Variants in ZNF506 observed in about 807,000 individuals in gnomAD.
ZNF506 encodes the protein zinc finger protein 506.
In ZNF506, 10 loss-of-function variants were observed where a neutral mutation model predicts 11.6. The observed-to-expected ratio is 0.86, with a 90% CI of 0.53 to 1.46. The LOEUF is 1.46. ZNF506 is among the 40% of genes most tolerant of loss of function. The pLI, the probability that ZNF506 is intolerant of heterozygous loss-of-function variation, is 0.00. For synonymous variants in ZNF506, 156 were observed against 173.3 expected (o/e 0.90, Z 0.78); for missense variants, 425 against 521.2 (o/e 0.82, Z 1.80).
intron 3 of ZNF506, among the ~76,000 whole-genome samples, chr19:19,801,860 T>C (rs1224312477): frequency 6.6e-6 from 1 of 151,300 alleles, no homozygotes; most frequent in Non-Finnish European, 1.5e-5. Flanking sequence ...ATAAGAGAAA[T>C]GTTTACTCAT....
chr19:19,813,806 C>T (rs1433457685), intron 1 of ZNF506, among the ~76,000 whole-genome samples: 1 of 151,680 alleles, frequency 6.6e-6, no homozygotes, highest in African/African-American at 2.4e-5. Context: ...CTTGTCTCCA[C>T]AGAAAATACA....
intron 1 of ZNF506, among the ~76,000 whole-genome samples, chr19:19,816,593 C>T (rs1025617420): frequency 3.9e-5 from 6 of 152,014 alleles, no homozygotes; most frequent in African/African-American, 1.2e-4. Context: ...CTCCTGACCT[C>T]GTGATTCACC....
intron 1 of ZNF506, among the ~76,000 whole-genome samples, chr19:19,809,062 A>C (rs1454085888): frequency 6.6e-6 from 1 of 152,132 alleles, no homozygotes; most frequent in African/African-American, 2.4e-5. Flanking sequence ...GAGCTAATAG[A>C]ACACACAGAT....
intron 1 of ZNF506, among the ~76,000 whole-genome samples, chr19:19,815,602 G>A (rs946714368): frequency 2.0e-5 from 3 of 152,152 alleles, no homozygotes; most frequent in Non-Finnish European, 4.4e-5. Flanking sequence ...CACCATATCT[G>A]TAGAGTCTGC....
At chr19:19,802,675 T>A (rs1447141948) in intron 3 of ZNF506, among the ~76,000 whole-genome samples, 1 of 152,222 alleles carries the variant, frequency 6.6e-6, no homozygotes, top group Non-Finnish European at 1.5e-5. Flanking sequence ...CTACTAATTA[T>A]CCAATTTACT....
intron 1 of ZNF506, among the ~76,000 whole-genome samples, chr19:19,812,213 G>T (rs1445810747): frequency 6.6e-6 from 1 of 152,208 alleles, no homozygotes; most frequent in African/African-American, 2.4e-5. Context: ...ATTAACTCCT[G>T]TCAGCCTGAC....
chr19:19,793,946 A>C lies in ZNF506; in HGVS notation c.*606T>G, dbSNP rs1270925894. The C allele has an allele frequency of 6.6e-6, 1 of 152,500 alleles. No homozygotes were observed. The highest frequency in any genetic ancestry group is 1.9e-4 in the East Asian group (1 of 5,198). The allele number at this position is 152,500 out of a possible 1,614,324, so 9.4% of individuals were successfully genotyped here. A position where few individuals can be genotyped will look rare whatever the true frequency, so the allele number is the denominator to read the frequency against. ...ATACAAAAGTTGGAGGTGGTGGTAAAAGCACTGTTGCATCTTTCAGGTTTG... is the reference window on the plus strand; with the variant it reads ...ATACAAAAGTTGGAGGTGGTGGTAACAGCACTGTTGCATCTTTCAGGTTTG... On this transcript the variant is annotated 3_prime_UTR_variant, in exon 4 of 4. Coordinates refer to ENST00000540806, the MANE Select transcript of ZNF506 (RefSeq NM_001099269.3).
intron 3 of ZNF506, among the ~76,000 whole-genome samples, chr19:19,801,272 C>T (rs1041891067): frequency 6.6e-6 from 1 of 152,148 alleles, no homozygotes; most frequent in African/African-American, 2.4e-5. Flanking sequence ...GGGTGGATTG[C>T]CTGAGGTCAG....
intron 3 of ZNF506, among the ~76,000 whole-genome samples, chr19:19,805,530 CAGA>C (rs1361643258): frequency 6.6e-6 from 1 of 151,538 alleles, no homozygotes; most frequent in Non-Finnish European, 1.5e-5. Flanking sequence ...AAGAACAAAG[CAGA>C]AGGATATCAT....
At chr19:19,802,423 TA>T (rs1306056950) in intron 3 of ZNF506, among the ~76,000 whole-genome samples, 1 of 152,084 alleles carries the variant, frequency 6.6e-6, no homozygotes, top group Admixed American at 6.6e-5. Flanking sequence ...AATATCTTCT[TA>T]CACAAAATGA....
intron 3 of ZNF506, chr19:19,796,957 A>G (rs1335771757): frequency 6.6e-6 from 1 of 152,178 alleles, no homozygotes; most frequent in Non-Finnish European, 1.5e-5. Context: ...AAGAATCGCT[A>G]TCCAAGACGA....
intron 1 of ZNF506, among the ~76,000 whole-genome samples, chr19:19,813,335 T>C (rs1381797219): frequency 6.6e-6 from 1 of 152,218 alleles, no homozygotes; most frequent in Non-Finnish European, 1.5e-5. Flanking sequence ...AGTCATAATG[T>C]ATGTAGCATT....
At chr19:19,814,178 G>T (rs909121729) in intron 1 of ZNF506, among the ~76,000 whole-genome samples, 7 of 151,908 alleles carry the variant, frequency 4.6e-5, no homozygotes, top group Non-Finnish European at 7.4e-5. Flanking sequence ...GGAGGCCAAG[G>T]GGGGTGGATC....
At position 19,794,407 on chromosome 19, in the gene ZNF506, G is replaced by A; in HGVS notation, c.*145C>T. On this transcript the variant is annotated 3_prime_UTR_variant, in exon 4 of 4. Coordinates refer to ENST00000540806, the MANE Select transcript of ZNF506 (RefSeq NM_001099269.3). The stretch of plus-strand genomic sequence containing the variant: ...GTATAAATTATGTGTAATAAGGGTT[G>A]AGAACTTCCTTAAAAAGCTTTGTCA... 2 of 822,420 alleles carry A rather than the reference G, an allele frequency of 2.4e-6. No homozygotes were observed. Among genetic ancestry groups the A allele is most frequent in the South Asian group, 3.9e-5 (2 of 51,118 alleles). The allele number at this position is 822,420 out of a possible 1,614,324, so 50.9% of individuals were successfully genotyped here. A position where few individuals can be genotyped will look rare whatever the true frequency, so the allele number is the denominator to read the frequency against.
Position 19,806,888 on chromosome 19 carries a change from A to G in ZNF506, c.130+54T>C, listed in dbSNP as rs568560778. ...TACTAAAAAACATTCTACAAAAAAG[A>G]GAAATAAAACCTTTAGAGTAATATT... On this transcript the variant is annotated intron_variant, in intron 2 of 3. Transcript: ENST00000540806. 4 of 1,564,382 alleles carry G rather than the reference A, an allele frequency of 2.6e-6. No individual in the cohort carries two copies. The Admixed American group carries it at 6.1e-5, about 24-fold the overall frequency.
chr19:19,800,557 C>T (rs1280252138), intron 3 of ZNF506, among the ~76,000 whole-genome samples: 1 of 151,366 alleles, frequency 6.6e-6, no homozygotes, highest in Non-Finnish European at 1.5e-5. Flanking sequence ...GCTGGGACTA[C>T]AGGCATGCGC....
rs376068101 is a variant in ZNF506, at chr19:19,805,543, T to C, written c.226+488A>G. Among the ~76,000 whole-genome samples, 177 of 152,200 alleles carry C rather than the reference T, an allele frequency of 1.2e-3. 1 individual carries two copies. The highest frequency in any genetic ancestry group is 4.2e-3 in the African/African-American group (173 of 41,538). ...AAAAGAACAAAGCAGAAGGATATCA[T>C]ACTTAAAATTTCAAACTATACATTT... On this transcript the variant is annotated intron_variant, in intron 3 of 3. Transcript: ENST00000540806.
rs1041388083 is a variant in ZNF506 at position 19,793,555 on chromosome 19, C to T, written c.*997G>A. On this transcript the variant is annotated 3_prime_UTR_variant, in exon 4 of 4. Transcript: ENST00000540806. ...ATACAAGTAAAGGTACTACAACCCC[C>T]CCTTATATTTGTAATAGCTGATTTC... Among the ~76,000 whole-genome samples the T allele has an allele frequency of 1.3e-5, 2 of 152,108 alleles. No homozygotes were observed. Among genetic ancestry groups the T allele is most frequent in the Non-Finnish European group, 2.9e-5 (2 of 68,034 alleles).
chr19:19,816,877 C>A (rs959887942), intron 1 of ZNF506, among the ~76,000 whole-genome samples: 1 of 129,646 alleles, frequency 7.7e-6, no homozygotes, highest in Non-Finnish European at 1.6e-5. Flanking sequence ...TGGAGTGCAA[C>A]GGCGCCGTCT....
Sources: gnomAD v4.1 joint callset for allele counts (sites outside exome capture counted in the v4.1 genomes callset) on GRCh38, gnomAD v4.1.1 for gene constraint, MANE v1.5 for transcripts, NCBI Gene and HGNC (gene_info 2026-07-23, HGNC 2026-07-21) for gene names.